The following LIX1 variants were observed in gnomAD, a reference collection of about 807,000 sequenced individuals.
The protein encoded by LIX1 is limb and CNS expressed 1.
In LIX1, 24 loss-of-function variants were observed where a neutral mutation model predicts 33.4. The ratio of observed to expected loss-of-function variants is 0.72; its 90% CI spans 0.52 to 1.01. The LOEUF is 1.01. LIX1 is among the 50% of genes least tolerant of loss of function. The pLI, the probability that LIX1 is intolerant of heterozygous loss-of-function variation, is 0.00. For missense variants in LIX1, 311 were observed against 339.2 expected, an observed-to-expected ratio of 0.92 and a Z score of 0.65; for synonymous variants, 124 against 124.0, an observed-to-expected ratio of 1.00 and a Z score of 0.00.
At chr5:97,101,548 G>A (rs577659122) in intron 4 of LIX1, among the ~76,000 whole-genome samples, 22 of 152,298 alleles carry the variant, frequency 1.4e-4, no homozygotes, top group Non-Finnish European at 3.1e-4. Context: ...CAAGCTGTGT[G>A]TTTTCTTTCC....
At position 97,094,587 on chromosome 5, in the gene LIX1, G is replaced by C; in HGVS notation, c.*161C>G. 1 of 634,656 alleles carries C rather than the reference G, an allele frequency of 1.6e-6. No individual in the cohort carries two copies. The highest frequency in any genetic ancestry group is 2.1e-5 in the South Asian group (1 of 47,922). 39.3% of individuals were successfully genotyped at this position (634,656 alleles called of 1,614,324 possible). A position where few individuals can be genotyped will look rare whatever the true frequency, so the allele number is the denominator to read the frequency against. ...GAGTGGCTTGTTGGGTCTTGTAAGG[G>C]TCCTACGACTCTCATACTCTGTAAA... On this transcript the variant is annotated 3_prime_UTR_variant, in exon 6 of 6. Transcript: ENST00000274382.
intron 1 of LIX1, among the ~76,000 whole-genome samples, chr5:97,130,883 G>T (rs989360183): frequency 1.6e-4 from 25 of 152,132 alleles, no homozygotes; most frequent in African/African-American, 5.8e-4. Context: ...ACGGTGATAG[G>T]CCCCTACAGG....
At chr5:97,116,656 CCTTGAGGTTTTATTCCTTTT>C (rs1352611304) in intron 2 of LIX1, among the ~76,000 whole-genome samples, 54 of 152,176 alleles carry the variant, frequency 3.5e-4, no homozygotes, top group African/African-American at 1.3e-3. Flanking sequence ...GTGCTTTGCT[CCTTGAGGTTTTATTCCTTTT>C]CTTTTCTTTT....
chr5:97,139,875 C>T lies in LIX1; in HGVS notation c.82+2620G>A, dbSNP rs546017877. 2.0e-5 allele frequency among the ~76,000 whole-genome samples: 3 copies of T among 152,204 alleles called. No individual in the cohort carries two copies. In the Middle Eastern group the frequency reaches 0.01, roughly 518 times the overall value. On this transcript the variant is annotated intron_variant, in intron 1 of 5. Transcript: ENST00000274382. ...AATCACAACTATTGCCAGATGAACG[C>T]CTTGTATAAAATAAAATGACAGGTT...
chr5:97,127,565 C>T (rs1353004597), intron 1 of LIX1, among the ~76,000 whole-genome samples: 6 of 152,204 alleles, frequency 3.9e-5, no homozygotes, highest in South Asian at 4.1e-4. Context: ...GCCAGCTTGC[C>T]GTTTGGAATT....
At chr5:97,112,643 T>A (rs1242681277) in intron 2 of LIX1, among the ~76,000 whole-genome samples, 1 of 152,152 alleles carries the variant, frequency 6.6e-6, no homozygotes, top group African/African-American at 2.4e-5. Flanking sequence ...AAGTCAGCTG[T>A]GAATTTCTCA....
At chr5:97,111,225 T>A (rs1482888176) in intron 2 of LIX1, among the ~76,000 whole-genome samples, 4 of 152,124 alleles carry the variant, frequency 2.6e-5, no homozygotes, top group Non-Finnish European at 4.4e-5. Context: ...GTTTGCTGAA[T>A]AAGCAACAAT....
chr5:97,096,426 G>A (rs1409103124), intron 5 of LIX1, among the ~76,000 whole-genome samples: 1 of 152,172 alleles, frequency 6.6e-6, no homozygotes, highest in African/African-American at 2.4e-5. Flanking sequence ...CCACTCTCCA[G>A]TGACGAGGTT....
At chr5:97,120,907 C>CT (rs1326166597) in intron 2 of LIX1, among the ~76,000 whole-genome samples, 3 of 152,128 alleles carry the variant, frequency 2.0e-5, no homozygotes, top group African/African-American at 7.2e-5. Context: ...TCCATATCAT[C>CT]TAAGTTTTCA....
chr5:97,126,047 G>C (rs1747911428), intron 1 of LIX1, among the ~76,000 whole-genome samples: 1 of 152,220 alleles, frequency 6.6e-6, no homozygotes, highest in African/African-American at 2.4e-5. Context: ...GATTGGACTT[G>C]AAGTTATCTA....
chr5:97,094,986 C>T lies in LIX1; in HGVS notation c.611G>A (p.Ser204Asn). The change falls in exon 6 of 6, where the codon AGC (serine) becomes AAC (asparagine). Residue 204 changes from serine (S) to asparagine (N), a missense_variant. Transcript: ENST00000274382. ...CATGATCCAGTCCAGGGCCATGTGG[C>T]TGCGCATCTTTTCATCTAGAGAATA... ...SQYSLDEKMR[S>N]HMALDWIMKE... 1 of 1,614,086 alleles carries T rather than the reference C, an allele frequency of 6.2e-7. No homozygotes were observed. The highest frequency in any genetic ancestry group is 2.2e-5 in the East Asian group (1 of 44,872).
At chr5:97,117,971 T>A (rs1747679636) in intron 2 of LIX1, among the ~76,000 whole-genome samples, 1 of 151,916 alleles carries the variant, frequency 6.6e-6, no homozygotes, top group African/African-American at 2.4e-5. Context: ...AAGAATTGAT[T>A]GTCTCAACCT....
At chr5:97,123,270 C>CT (rs979080461) in intron 2 of LIX1, among the ~76,000 whole-genome samples, 27 of 151,742 alleles carry the variant, frequency 1.8e-4, no homozygotes, top group African/African-American at 4.4e-4. Flanking sequence ...TCAGATCTTA[C>CT]TTTTTTTTTG....
chr5:97,127,503 A>G (rs751828444), intron 1 of LIX1, among the ~76,000 whole-genome samples: 5 of 152,116 alleles, frequency 3.3e-5, no homozygotes, highest in Non-Finnish European at 7.4e-5. Context: ...TTCTATCTCT[A>G]TCTATTCTTG....
chr5:97,129,595 A>G (rs1360489829), intron 1 of LIX1, among the ~76,000 whole-genome samples: 1 of 152,212 alleles, frequency 6.6e-6, no homozygotes. Flanking sequence ...CACAGCTACT[A>G]AGTCTTAGAC....
intron 2 of LIX1, among the ~76,000 whole-genome samples, chr5:97,108,527 A>G (rs190788884): frequency 5.5e-4 from 84 of 152,286 alleles, no homozygotes; most frequent in Non-Finnish European, 9.6e-4. Flanking sequence ...CTGGGGTTGC[A>G]GATAGAGGGA....
chr5:97,137,910 T>C (rs556002215), intron 1 of LIX1, among the ~76,000 whole-genome samples: 152 of 152,330 alleles, frequency 1.0e-3, no homozygotes, highest in Admixed American at 4.3e-3. Context: ...ATAAAGTACT[T>C]GACTCCTGAG....
intron 1 of LIX1, among the ~76,000 whole-genome samples, chr5:97,132,906 G>T (rs900571899): frequency 6.6e-6 from 1 of 152,196 alleles, no homozygotes; most frequent in Admixed American, 6.5e-5. Context: ...CTGCAGCCTG[G>T]AAGGAGATGA....
At chr5:97,118,959 T>C (rs1476595043) in intron 2 of LIX1, among the ~76,000 whole-genome samples, 1 of 152,202 alleles carries the variant, frequency 6.6e-6, no homozygotes. Flanking sequence ...GAGGCTTCTC[T>C]GCATAAAAAC....
Sources: allele counts gnomAD v4.1 joint callset (sites outside exome capture counted in the v4.1 genomes callset), GRCh38; gene constraint gnomAD v4.1.1; transcripts MANE v1.5; gene names NCBI Gene and HGNC (gene_info 2026-07-23, HGNC 2026-07-21).